The following CNTN5 variants were observed in gnomAD, a reference collection of about 807,000 sequenced individuals.
The protein encoded by CNTN5 is contactin 5.
In CNTN5, 77 loss-of-function variants were observed where a neutral mutation model predicts 129.1. The ratio of observed to expected loss-of-function variants is 0.60; its 90% CI spans 0.50 to 0.72. The LOEUF is 0.72. Ranked by LOEUF, CNTN5 falls within the 30% of genes least tolerant of loss-of-function variation. CNTN5 has a pLI of 0.00. For missense variants in CNTN5, 1,478 were observed against 1,328.8 expected (o/e 1.11, Z -1.75); for synonymous variants, 509 against 465.6 (o/e 1.09, Z -1.20).
chr11:99,866,936 G>A (rs748854500), intron 6 of CNTN5, among the ~76,000 whole-genome samples: 8 of 152,138 alleles, frequency 5.3e-5, no homozygotes, highest in Non-Finnish European at 1.2e-4. Context: ...ACATGCTTGG[G>A]TTATTTGGAA....
intron 3 of CNTN5, among the ~76,000 whole-genome samples, chr11:99,742,859 A>G (rs900733773): frequency 5.3e-5 from 8 of 152,206 alleles, no homozygotes; most frequent in Admixed American, 2.0e-4. Context: ...GCATACTTCC[A>G]GTCAATGTTT....
At chr11:99,966,352 C>T (rs1392643614) in intron 8 of CNTN5, among the ~76,000 whole-genome samples, 1 of 152,030 alleles carries the variant, frequency 6.6e-6, no homozygotes, top group Non-Finnish European at 1.5e-5. Context: ...CAAATTTATC[C>T]CCAGAGAGCA....
intron 8 of CNTN5, among the ~76,000 whole-genome samples, chr11:99,982,014 G>A (rs1248027170): frequency 1.3e-5 from 2 of 152,144 alleles, no homozygotes; most frequent in East Asian, 1.9e-4. Flanking sequence ...TGGATCCATC[G>A]ATGTAATTAT....
At chr11:99,711,577 A>G (rs1954990716) in intron 3 of CNTN5, among the ~76,000 whole-genome samples, 1 of 151,596 alleles carries the variant, frequency 6.6e-6, no homozygotes, top group Non-Finnish European at 1.5e-5. Flanking sequence ...GGTTTGCTGC[A>G]CTCATCAGCC....
At chr11:99,033,898 TG>T (rs1308782500) in intron 1 of CNTN5, among the ~76,000 whole-genome samples, 2 of 150,594 alleles carry the variant, frequency 1.3e-5, no homozygotes, top group Non-Finnish European at 3.0e-5. Flanking sequence ...TGATATTGGC[TG>T]TGGGTTTGTC....
At chr11:100,312,391 C>T (rs1187476446) in intron 21 of CNTN5, among the ~76,000 whole-genome samples, 1 of 151,978 alleles carries the variant, frequency 6.6e-6, no homozygotes, top group Non-Finnish European at 1.5e-5. Flanking sequence ...AAAGAGAGTT[C>T]TGCCTCTGTC....
intron 1 of CNTN5, among the ~76,000 whole-genome samples, chr11:99,223,364 T>A (rs898237004): frequency 6.6e-6 from 1 of 152,196 alleles, no homozygotes. Context: ...TGTGCTAACA[T>A]CAATATAAAA....
chr11:99,080,854 T>C (rs2135281073), intron 1 of CNTN5, among the ~76,000 whole-genome samples: 1 of 152,278 alleles, frequency 6.6e-6, no homozygotes, highest in East Asian at 1.9e-4. Flanking sequence ...AAATAAGGCA[T>C]TGAGCATTTT....
At chr11:99,460,069 T>C (rs867775974) in intron 2 of CNTN5, among the ~76,000 whole-genome samples, 127 of 152,046 alleles carry the variant, frequency 8.4e-4, no homozygotes, top group African/African-American at 3.0e-3. Context: ...CATTAGATAG[T>C]TGGACATGGA....
intron 2 of CNTN5, among the ~76,000 whole-genome samples, chr11:99,478,691 G>T (rs1369115423): frequency 2.6e-5 from 4 of 152,020 alleles, no homozygotes; most frequent in African/African-American, 9.7e-5. Flanking sequence ...CATGTAAAAT[G>T]CATGGTGAAG....
chr11:100,092,047 CAT>C (rs1248041538), intron 13 of CNTN5, among the ~76,000 whole-genome samples: 1 of 151,926 alleles, frequency 6.6e-6, no homozygotes, highest in Admixed American at 6.6e-5. Flanking sequence ...TAACAAAAAT[CAT>C]ATTATTATGA....
rs1169341083 is a variant in CNTN5, at chr11:99,954,639, A to T, written c.674-2167A>T. On this transcript the variant is annotated intron_variant, in intron 7 of 24. Transcript: ENST00000524871. The stretch of plus-strand genomic sequence containing the variant: ...ATAGATTTATAGTTTTTTTATGATT[A>T]CTTTGAAGGCAATATTAAATAAATG... 2.0e-5 allele frequency among the ~76,000 whole-genome samples: 3 copies of T among 152,202 alleles called. No homozygotes were observed. In the East Asian group the frequency reaches 5.8e-4, roughly 29 times the overall value.
chr11:99,776,003 A>G (rs1945111367), intron 3 of CNTN5, among the ~76,000 whole-genome samples: 1 of 152,036 alleles, frequency 6.6e-6, no homozygotes, highest in Non-Finnish European at 1.5e-5. Flanking sequence ...ATATCTTTTC[A>G]TAGAATTTAT....
intron 2 of CNTN5, among the ~76,000 whole-genome samples, chr11:99,554,873 TG>T (rs1948615191): frequency 6.6e-6 from 1 of 152,064 alleles, no homozygotes; most frequent in African/African-American, 2.4e-5. Flanking sequence ...GCTATGAGGT[TG>T]TTATTTAGTA....
chr11:100,017,731 T>C (rs920184215), intron 9 of CNTN5, among the ~76,000 whole-genome samples: 1 of 152,032 alleles, frequency 6.6e-6, no homozygotes, highest in African/African-American at 2.4e-5. Context: ...TCAAGAGTTA[T>C]TGTAGCGTCA....
At chr11:99,778,953 C>T (rs1945219696) in intron 3 of CNTN5, among the ~76,000 whole-genome samples, 1 of 151,538 alleles carries the variant, frequency 6.6e-6, no homozygotes, top group Non-Finnish European at 1.5e-5. Flanking sequence ...TGTTGTTTTT[C>T]TCAATGTCCA....
At chr11:99,109,149 T>C (rs923681062) in intron 1 of CNTN5, among the ~76,000 whole-genome samples, 5 of 151,734 alleles carry the variant, frequency 3.3e-5, no homozygotes, top group African/African-American at 1.2e-4. Context: ...ATTTATCTTT[T>C]AGTATGTTTT....
intron 2 of CNTN5, among the ~76,000 whole-genome samples, chr11:99,353,817 T>C (rs1938461405): frequency 6.6e-6 from 1 of 152,226 alleles, no homozygotes; most frequent in Admixed American, 6.5e-5. Flanking sequence ...ATCATAGCTG[T>C]GTTTGCACTC....
At chr11:100,237,232 A>G (rs931585800) in intron 16 of CNTN5, among the ~76,000 whole-genome samples, 20 of 151,920 alleles carry the variant, frequency 1.3e-4, no homozygotes, top group Non-Finnish European at 4.4e-5. Context: ...TCAAGTTCCA[A>G]GTAGAAGTTA....
Sources: gnomAD v4.1 joint callset for allele counts (sites outside exome capture counted in the v4.1 genomes callset) on GRCh38, gnomAD v4.1.1 for gene constraint, MANE v1.5 for transcripts, NCBI Gene and HGNC (gene_info 2026-07-23, HGNC 2026-07-21) for gene names.